The following IFT88 variants were observed in gnomAD, a reference collection of about 807,000 sequenced individuals.
IFT88 encodes intraflagellar transport protein 88 homolog.
A neutral mutation model predicts 119.5 loss-of-function variants in IFT88; 74 were observed. That is an observed-to-expected ratio of 0.62 (90% confidence interval 0.51 to 0.75). IFT88 has a LOEUF of 0.75. Among genes scored for constraint, IFT88 ranks in the 30% least tolerant of loss-of-function variants. The pLI, the probability that IFT88 is intolerant of heterozygous loss-of-function variation, is 0.00. For missense variants in IFT88, 961 were observed against 977.7 expected (o/e 0.98, Z 0.23); for synonymous variants, 279 against 316.7 (o/e 0.88, Z 1.26).
rs557494748 is a variant in IFT88 at position 20,654,034 on chromosome 13, A to G, written c.2002+106A>G. 2.4e-5 allele frequency: 12 copies of G among 510,468 alleles called. No individual in the cohort carries two copies. In the South Asian group the frequency reaches 3.1e-4, roughly 13 times the overall value. 31.6% of individuals were successfully genotyped at this position (510,468 alleles called of 1,614,324 possible). On this transcript the variant is annotated intron_variant, in intron 21 of 25. Coordinates refer to ENST00000351808, the MANE Select transcript of IFT88 (RefSeq NM_006531.5). ...TTGCATATCTGTTTATTAAAATACT[A>G]ACTTTTTATAACTGTACATAATTCA...
At position 20,601,867 on chromosome 13, in the gene IFT88, G is replaced by A. The variant is rs1415205831; in HGVS notation, c.975G>A (p.Lys325=). The A allele has an allele frequency of 5.0e-6, 8 of 1,612,524 alleles. No individual in the cohort carries two copies. Among genetic ancestry groups the A allele is most frequent in the Non-Finnish European group, 6.8e-6 (8 of 1,178,658 alleles). Residue 325 remains lysine, a synonymous_variant, in exon 12 of 26, where the codon AAG becomes AAA. Transcript: ENST00000351808. ...YFAIGDREKM[K]KAFQKLITVP... ...CTATTGGAGACCGAGAAAAAATGAAGAAGGCATTCCAAAAATTGATTACTG... is the reference window on the plus strand; with the variant it reads ...CTATTGGAGACCGAGAAAAAATGAAAAAGGCATTCCAAAAATTGATTACTG...
At chr13:20,676,774 G>A (rs2056721479) in intron 24 of IFT88, among the ~76,000 whole-genome samples, 1 of 152,194 alleles carries the variant, frequency 6.6e-6, no homozygotes, top group African/African-American at 2.4e-5. Context: ...ATAATTGCCT[G>A]CAGAGGCAAG....
intron 11 of IFT88, 70 bp from the exon 12 acceptor site, chr13:20,601,635 T>A: frequency 1.0e-6 from 1 of 981,078 alleles, no homozygotes; most frequent in East Asian, 2.5e-5. Flanking sequence ...AGAAAACTAT[T>A]TGTGAATGGT....
intron 23 of IFT88, among the ~76,000 whole-genome samples, chr13:20,669,103 A>G (rs936376600): frequency 1.3e-5 from 2 of 152,222 alleles, no homozygotes; most frequent in Non-Finnish European, 2.9e-5. Context: ...TGAAGCAGAA[A>G]GACAAGAAGG....
intron 7 of IFT88, among the ~76,000 whole-genome samples, chr13:20,593,518 ATTCTTTTTTTTTGT>A (rs2041090393): frequency 6.6e-6 from 1 of 151,454 alleles, no homozygotes; most frequent in Admixed American, 6.6e-5. Flanking sequence ...TTAAATTGTA[ATTCTTTTTTTTTGT>A]TTCTTTTTTT....
At chr13:20,617,982 C>T (rs993888383) in intron 14 of IFT88, among the ~76,000 whole-genome samples, 4 of 152,066 alleles carry the variant, frequency 2.6e-5, no homozygotes, top group African/African-American at 4.8e-5. Flanking sequence ...GACAGGGTTT[C>T]GCCGTGTTGG....
chr13:20,621,738 C>T (rs2046555411), intron 14 of IFT88, among the ~76,000 whole-genome samples: 1 of 152,052 alleles, frequency 6.6e-6, no homozygotes, highest in African/African-American at 2.4e-5. Flanking sequence ...AACCAATATT[C>T]ACATAGTATT....
At chr13:20,580,728 T>TC (rs1413702816) in intron 2 of IFT88, among the ~76,000 whole-genome samples, 2 of 127,586 alleles carry the variant, frequency 1.6e-5, no homozygotes, top group African/African-American at 3.4e-5. Flanking sequence ...TTTTTTCTTT[T>TC]TTTTTTTTTT....
chr13:20,646,598 G>A (rs1009920872), intron 20 of IFT88, among the ~76,000 whole-genome samples: 1 of 151,920 alleles, frequency 6.6e-6, no homozygotes, highest in Non-Finnish European at 1.5e-5. Flanking sequence ...GATTACAGGC[G>A]TGAGACACCA....
intron 7 of IFT88, 70 bp downstream of exon 7, chr13:20,592,474 C>T (rs1442503859): frequency 1.6e-6 from 2 of 1,266,946 alleles, no homozygotes; most frequent in African/African-American, 1.5e-5. Flanking sequence ...TCCAAATACA[C>T]AATTTTTTTT....
intron 13 of IFT88, chr13:20,607,637 C>T (rs1004297506): frequency 2.3e-6 from 2 of 872,220 alleles, no homozygotes; most frequent in East Asian, 2.4e-5. Context: ...TTTTATGATC[C>T]CCACCTGGGT....
At chr13:20,646,180 A>G (rs2050721719) in intron 20 of IFT88, among the ~76,000 whole-genome samples, 1 of 151,690 alleles carries the variant, frequency 6.6e-6, no homozygotes, top group Non-Finnish European at 1.5e-5. Flanking sequence ...TTCCATCACT[A>G]TTCTAGTCCC....
chr13:20,568,588 G>A (rs150636907), intron 1 of IFT88, among the ~76,000 whole-genome samples: 1 of 152,200 alleles, frequency 6.6e-6, no homozygotes, highest in Non-Finnish European at 1.5e-5. Flanking sequence ...TCAGAATAGT[G>A]GTTCTCAAAG....
At chr13:20,667,841 T>A (rs1472110992) in intron 23 of IFT88, among the ~76,000 whole-genome samples, 1 of 152,152 alleles carries the variant, frequency 6.6e-6, no homozygotes, top group African/African-American at 2.4e-5. Flanking sequence ...GTCACCATTC[T>A]TTATCCTTCC....
At chr13:20,641,711 T>G in intron 18 of IFT88, 1 of 198,014 alleles carries the variant, frequency 5.1e-6, no homozygotes. Flanking sequence ...CTTTAGAACG[T>G]TGTATTAATT....
chr13:20,604,087 T>A (rs1464561943), intron 12 of IFT88, among the ~76,000 whole-genome samples: 1 of 151,600 alleles, frequency 6.6e-6, no homozygotes, highest in Non-Finnish European at 1.5e-5. Flanking sequence ...ATAAAAAAAA[T>A]ATATATTAGC....
At chr13:20,582,164 T>C (rs1029173520) in intron 2 of IFT88, among the ~76,000 whole-genome samples, 1 of 152,064 alleles carries the variant, frequency 6.6e-6, no homozygotes, top group Non-Finnish European at 1.5e-5. Flanking sequence ...AAGTAGGAAA[T>C]ACGGGATGGT....
chr13:20,682,966 A>G (rs1461345270), intron 24 of IFT88, among the ~76,000 whole-genome samples: 1 of 152,188 alleles, frequency 6.6e-6, no homozygotes, highest in Non-Finnish European at 1.5e-5. Flanking sequence ...TTAAAGGCCA[A>G]TTTTTAGGAA....
rs561042550 is a variant in IFT88 at position 20,635,497 on chromosome 13, T to A, written c.1387-2835T>A. Among the ~76,000 whole-genome samples, 5 of 152,330 alleles carry A rather than the reference T, an allele frequency of 3.3e-5. No individual in the cohort carries two copies. The East Asian group carries it at 9.7e-4, about 29-fold the overall frequency. Reference sequence around the variant, plus strand: ...TGCTCCCTAGTCTGAGAAAAACGAATATTCCTTGATTAGGGCCCAGCTCTG... The same window carrying A: ...TGCTCCCTAGTCTGAGAAAAACGAAAATTCCTTGATTAGGGCCCAGCTCTG... On this transcript the variant is annotated intron_variant, in intron 16 of 25. Coordinates refer to ENST00000351808, the MANE Select transcript of IFT88 (RefSeq NM_006531.5).
Sources: gnomAD v4.1 joint callset for allele counts (sites outside exome capture counted in the v4.1 genomes callset) on GRCh38, gnomAD v4.1.1 for gene constraint, MANE v1.5 for transcripts, NCBI Gene and HGNC (gene_info 2026-07-23, HGNC 2026-07-21) for gene names.